Variants in NOBOX observed in about 807,000 individuals in gnomAD.
NOBOX encodes the protein homeobox protein NOBOX.
NOBOX carries 46 observed loss-of-function variants against 60.2 expected under a neutral mutation model. The observed-to-expected ratio is 0.76, with a 90% CI of 0.60 to 0.98. The LOEUF is 0.98. Ranked by LOEUF, NOBOX falls within the 50% of genes least tolerant of loss-of-function variation. The probability of loss-of-function intolerance (pLI) is 0.00; values close to 1 mark genes in which losing one functional copy is unlikely to be tolerated. For missense variants in NOBOX, 880 were observed against 865.5 expected (o/e 1.02, Z -0.21); for synonymous variants, 360 against 346.3 (o/e 1.04, Z -0.44).
At chr7:144,404,104 A>T (rs1052203930) in intron 2 of NOBOX, among the ~76,000 whole-genome samples, 4 of 152,152 alleles carry the variant, frequency 2.6e-5, no homozygotes, top group African/African-American at 9.7e-5. Context: ...TCAGTCCTGG[A>T]TCGTGGCTAA....
intron 4 of NOBOX, 121 bp downstream of exon 2, chr7:144,400,925 A>G (rs1256857773): frequency 2.6e-6 from 2 of 761,044 alleles, no homozygotes; most frequent in African/African-American, 3.5e-5. Context: ...AGAATCCGGG[A>G]CGAAGTGACA....
intron 1 of NOBOX, among the ~76,000 whole-genome samples, chr7:144,405,521 T>C (rs149479351): frequency 1.1e-3 from 168 of 152,236 alleles, no homozygotes; most frequent in African/African-American, 3.2e-3. Context: ...GGAAGCTTCT[T>C]GGAGAAGGTG....
Position 144,402,748 on chromosome 7 carries a change from ATTTTTTTTTT to A in NOBOX, c.211-808_211-799del, listed in dbSNP as rs1218483822. On this transcript the variant is annotated intron_variant, in intron 2 of 9. Transcript: ENST00000467773. ...CATGAGATAGGTCTTAAGGAATAACATTTTTTTTTTTTTTTTTTTTTTTTTTGAGATGGAG... is the reference window on the plus strand; with the variant it reads ...CATGAGATAGGTCTTAAGGAATAACATTTTTTTTTTTTTTTTGAGATGGAG... 9.6e-5 allele frequency among the ~76,000 whole-genome samples: 9 copies of A among 93,426 alleles called. No homozygotes were observed. The South Asian group carries it at 1.4e-3, about 14-fold the overall frequency. 61.3% of individuals were successfully genotyped at this position (93,426 alleles called of 152,430 possible). A position where few individuals can be genotyped will look rare whatever the true frequency, so the allele number is the denominator to read the frequency against.
intron 1 of NOBOX, among the ~76,000 whole-genome samples, chr7:144,406,662 T>C (rs1380857700): frequency 6.6e-6 from 1 of 152,244 alleles, no homozygotes; most frequent in Non-Finnish European, 1.5e-5. Flanking sequence ...ATGAAGAATT[T>C]TATTGGCTGC....
chr7:144,400,494 A>T (rs544555126), intron 4 of NOBOX, among the ~76,000 whole-genome samples, 182 bp from the exon 3 acceptor site: 1 of 152,234 alleles, frequency 6.6e-6, no homozygotes, highest in Non-Finnish European at 1.5e-5. Flanking sequence ...AGCAGAGAGC[A>T]GTATGTTTAC....
At position 144,405,777 on chromosome 7, in the gene NOBOX, A is replaced by AAATG. The variant is rs543907188; in HGVS notation, c.86-1101_86-1098dup. Among the ~76,000 whole-genome samples the AAATG allele has an allele frequency of 6.6e-5, 10 of 152,274 alleles. No individual in the cohort carries two copies. In the East Asian group the frequency reaches 1.7e-3, roughly 27 times the overall value. Reference sequence around the variant, plus strand: ...CAGAATTTCTTAGGGAATTTGTTTAAAATGGGGGTTCCAATCCCCAGAAAT... The same window carrying AAATG: ...CAGAATTTCTTAGGGAATTTGTTTAAAATGAATGGGGGTTCCAATCCCCAGAAAT... On this transcript the variant is annotated intron_variant, in intron 1 of 9. Coordinates refer to ENST00000467773, the MANE Select transcript of NOBOX (RefSeq NM_001080413.3).
At chr7:144,409,990 T>C (rs1222444861) in intron 1 of NOBOX, among the ~76,000 whole-genome samples, 1 of 152,236 alleles carries the variant, frequency 6.6e-6, no homozygotes, top group African/African-American at 2.4e-5. Context: ...TGCTGGTGGC[T>C]TGATAGATTT....
At position 144,398,338 on chromosome 7, in the gene NOBOX, T is replaced by C. The variant is rs538329755; in HGVS notation, c.1718A>G (p.Tyr573Cys). ...CTGTCCTGAGGAGGCACCTGGGCAA[T>C]AGCCCTGCGATGTGCCCCCGCTGGG... The change falls in exon 9 of 10, where the codon TAT becomes TGT. Residue 573 changes from tyrosine (Y) to cysteine (C), a missense_variant. By Grantham distance (194) the Tyr-to-Cys change is radical (BLOSUM62 -2). Coordinates refer to ENST00000467773, the MANE Select transcript of NOBOX (RefSeq NM_001080413.3). 2 of 1,537,254 alleles carry C rather than the reference T, an allele frequency of 1.3e-6. No homozygotes were observed. Among genetic ancestry groups the C allele is most frequent in the African/African-American group, 2.7e-5 (2 of 73,152 alleles).
At position 144,404,556 on chromosome 7, in the gene NOBOX, T is replaced by A. The variant is rs748590746; in HGVS notation, c.210A>T (p.Ser70=). 1.2e-6 allele frequency: 2 copies of A among 1,612,776 alleles called. No homozygotes were observed. Among genetic ancestry groups the A allele is most frequent in the Non-Finnish European group, 1.7e-6 (2 of 1,179,588 alleles). Reference sequence around the variant, plus strand: ...GAGCCACAGCGCTCGCCCCCCGTACTGATTTGAGGGTCTCCAGAGCACAAA... The same window carrying A: ...GAGCCACAGCGCTCGCCCCCCGTACAGATTTGAGGGTCTCCAGAGCACAAA... Residue 70 remains serine, a splice_region_variant and synonymous_variant, in exon 2 of 10, where the codon TCA becomes TCT. Transcript: ENST00000467773.
chr7:144,404,806 G>T, intron 1 of NOBOX: 1 of 1,124,908 alleles, frequency 8.9e-7, no homozygotes, highest in Non-Finnish European at 1.3e-6. Context: ...CCTGGTTCAC[G>T]GAATGTTTCT....
intron 1 of NOBOX, among the ~76,000 whole-genome samples, chr7:144,407,447 AAGGTATGGG>A (rs1362402735): frequency 2.0e-5 from 3 of 152,184 alleles, no homozygotes; most frequent in Non-Finnish European, 4.4e-5. Flanking sequence ...TAGTCACAGC[AAGGTATGGG>A]AGGTCAGGGC....
rs745463679 is a variant in NOBOX, at chr7:144,404,578, C to G, written c.188G>C (p.Cys63Ser). 8.7e-6 allele frequency: 14 copies of G among 1,613,408 alleles called. No homozygotes were observed. The African/African-American group carries it at 1.5e-4, about 17-fold the overall frequency. ...TACTGATTTGAGGGTCTCCAGAGCACAAAGGCTGCACCGGATGATGAAGAA... is the reference window on the plus strand; with the variant it reads ...TACTGATTTGAGGGTCTCCAGAGCAGAAAGGCTGCACCGGATGATGAAGAA... Residue 63 changes from cysteine to serine, a missense_variant, in exon 2 of 10, where the codon TGT becomes TCT. Coordinates refer to ENST00000467773, the MANE Select transcript of NOBOX (RefSeq NM_001080413.3).
Position 144,398,357 on chromosome 7 carries a change from C to T in NOBOX, c.1699G>A (p.Gly567Arg), listed in dbSNP as rs542182440. ...GGGCAATAGCCCTGCGATGTGCCCCCGCTGGGGCCACAGGGAAACATAAAG... is the reference window on the plus strand; with the variant it reads ...GGGCAATAGCCCTGCGATGTGCCCCTGCTGGGGCCACAGGGAAACATAAAG... Residue 567 changes from glycine (G) to arginine (R), a missense_variant, in exon 9 of 10, where the codon GGG becomes AGG. By Grantham distance (125) the Gly-to-Arg change is moderately radical. Coordinates refer to ENST00000467773, the MANE Select transcript of NOBOX (RefSeq NM_001080413.3). 37 of 1,537,218 alleles carry T rather than the reference C, an allele frequency of 2.4e-5. No homozygotes were observed. The highest frequency in any genetic ancestry group is 7.1e-5 in the South Asian group (6 of 84,050).
rs534100362 is a variant in NOBOX, at chr7:144,402,090, C to T, written c.211-140G>A. 112 of 639,056 alleles carry T rather than the reference C, an allele frequency of 1.8e-4. No homozygotes were observed. In the South Asian group the frequency reaches 2.2e-3, roughly 12 times the overall value. 39.6% of individuals were successfully genotyped at this position (639,056 alleles called of 1,614,324 possible). ...AAAGGATTCGATTGTCTCCAGCAGC[C>T]GAGGCAAGAGCATCAAAAGAGATAA... On this transcript the variant is annotated intron_variant, in intron 2 of 9. Coordinates refer to ENST00000467773, the MANE Select transcript of NOBOX (RefSeq NM_001080413.3).
At position 144,398,439 on chromosome 7, in the gene NOBOX, G is replaced by C; in HGVS notation, c.1617C>G (p.Pro539=). ...AACTGGGCATGGAGAAGGGGAAAGT[G>C]GGGAGGTAGGGCAACTTGGGCTGAG... Residue 539 remains proline, a synonymous_variant, in exon 9 of 10, where the codon CCC becomes CCG. Coordinates refer to ENST00000467773, the MANE Select transcript of NOBOX (RefSeq NM_001080413.3). 6.5e-7 allele frequency: 1 copy of C among 1,537,274 alleles called. No homozygotes were observed. The highest frequency in any genetic ancestry group is 8.7e-7 in the Non-Finnish European group (1 of 1,146,916).
intron 1 of NOBOX, among the ~76,000 whole-genome samples, chr7:144,409,043 T>C (rs2054004698): frequency 6.6e-6 from 1 of 152,210 alleles, no homozygotes; most frequent in Admixed American, 6.5e-5. Context: ...CCCTGTATTA[T>C]TTCTTACAAC....
At position 144,399,238 on chromosome 7, in the gene NOBOX, T is replaced by C; in HGVS notation, c.1241-60A>G. 8.1e-6 allele frequency: 8 copies of C among 982,716 alleles called. No homozygotes were observed. In the South Asian group the frequency reaches 1.2e-4, roughly 15 times the overall value. 60.9% of individuals were successfully genotyped at this position (982,716 alleles called of 1,614,324 possible). On this transcript the variant is annotated intron_variant, in intron 7 of 9. Coordinates refer to ENST00000467773, the MANE Select transcript of NOBOX (RefSeq NM_001080413.3). ...AAGGAAATGGGAGGCAGGTTTGGCA[T>C]CGCTGAATGGTAGACACAAGCCATG...
chr7:144,399,542 T>C, intron 6 of NOBOX, 60 bp from the exon 5 acceptor site: 1 of 1,400,752 alleles, frequency 7.1e-7, no homozygotes, highest in Non-Finnish European at 9.9e-7. Flanking sequence ...CACAGGTGCC[T>C]CATTGCCAGG....
intron 1 of NOBOX, among the ~76,000 whole-genome samples, chr7:144,407,067 A>G (rs2053990598): frequency 6.6e-6 from 1 of 151,606 alleles, no homozygotes; most frequent in South Asian, 2.1e-4. Context: ...CCATGCACTT[A>G]GAAAGAGTCA....
Sources: gnomAD v4.1 joint callset for allele counts (sites outside exome capture counted in the v4.1 genomes callset) on GRCh38, gnomAD v4.1.1 for gene constraint, MANE v1.5 for transcripts, NCBI Gene and HGNC (gene_info 2026-07-23, HGNC 2026-07-21) for gene names.